Variants in KDM2B observed in about 807,000 individuals in gnomAD.
KDM2B encodes the protein lysine demethylase 2B.
KDM2B carries 26 observed loss-of-function variants against 150.0 expected under a neutral mutation model. The observed-to-expected ratio is 0.17, with a 90% CI of 0.13 to 0.24. The LOEUF is 0.24. Ranked by LOEUF, KDM2B falls within the 10% of genes least tolerant of loss-of-function variation. The pLI is 1.00. For synonymous variants in KDM2B, 734 were observed against 729.5 expected, an observed-to-expected ratio of 1.01 and a Z score of -0.10; for missense variants, 1,265 against 1,816.9, an observed-to-expected ratio of 0.70 and a Z score of 5.52.
Position 121,478,500 on chromosome 12 carries a change from C to T in KDM2B, c.1734+16079G>A, listed in dbSNP as rs373499876. ...TCAGCCTCCCGAGTAGCTGAGACTA[C>T]AGGCTCCCGCCACTACGCCCAGATA... On this transcript the variant is annotated intron_variant, in intron 12 of 22. Transcript: ENST00000377071. 3.3e-5 allele frequency among the ~76,000 whole-genome samples: 5 copies of T among 151,326 alleles called. No individual in the cohort carries two copies. The East Asian group carries it at 7.8e-4, about 24-fold the overall frequency.
chr12:121,440,133 GC>G, intron 21 of KDM2B, 58 bp from the exon 22 acceptor site: 1 of 1,341,600 alleles, frequency 7.5e-7, no homozygotes, highest in Non-Finnish European at 1.0e-6. Context: ...GCCTGGTCAT[GC>G]TGACATGACA....
Position 121,533,021 on chromosome 12 carries a change from GC to G in KDM2B, c.778-63del. 2 of 1,571,404 alleles carry G rather than the reference GC, an allele frequency of 1.3e-6. No individual in the cohort carries two copies. Among genetic ancestry groups the G allele is most frequent in the African/African-American group, 2.7e-5 (2 of 74,178 alleles). On this transcript the variant is annotated intron_variant, in intron 7 of 22. Coordinates refer to ENST00000377071, the MANE Select transcript of KDM2B (RefSeq NM_032590.5). The surrounding 1 kb of genome is among the most constrained non-coding windows in gnomAD (Gnocchi z 4.1). ...GGCCCAGACAAGACCCAGAGAGAGG[GC>G]CCCACCTGCCTGGCGGAAGGGGAGG...
intron 4 of KDM2B, among the ~76,000 whole-genome samples, chr12:121,561,116 C>A (rs1486873613): frequency 6.6e-6 from 1 of 152,222 alleles, no homozygotes; most frequent in East Asian, 1.9e-4. Flanking sequence ...GTTCCAGCTG[C>A]GGAAATTAGT....
chr12:121,499,110 A>AT (rs68098990), intron 11 of KDM2B, among the ~76,000 whole-genome samples: 90,128 of 131,124 alleles, frequency 0.69, 31,317 homozygotes, highest in Middle Eastern at 0.78. Flanking sequence ...CAGTCAATAA[A>AT]TTTTTTTTTT....
intron 8 of KDM2B, among the ~76,000 whole-genome samples, chr12:121,522,829 C>T (rs1012110411): frequency 6.6e-6 from 1 of 152,292 alleles, no homozygotes; most frequent in Admixed American, 6.5e-5. Context: ...GCCTGGGAGA[C>T]AGAGCCAAAA....
chr12:121,415,383 G>A, the KDM2B span: 1 of 273,900 alleles, frequency 3.7e-6, no homozygotes, highest in South Asian at 3.0e-5. Flanking sequence ...CACTTCAGGA[G>A]GCCAAGGTAG....
At chr12:121,427,764 G>T (rs1872581619), downstream of KDM2B, among the ~76,000 whole-genome samples, 1 of 152,134 alleles carries the variant, frequency 6.6e-6, no homozygotes, top group Non-Finnish European at 1.5e-5. Flanking sequence ...GTGTGCTCCA[G>T]GAACCCTTAG....
intron 12 of KDM2B, among the ~76,000 whole-genome samples, chr12:121,456,200 C>G (rs1258438693): frequency 6.6e-6 from 1 of 152,290 alleles, no homozygotes; most frequent in South Asian, 2.1e-4. Context: ...AATGCATGTG[C>G]GAAGTGCAGC....
At chr12:121,497,712 C>T (rs1214163520) in intron 11 of KDM2B, among the ~76,000 whole-genome samples, 1 of 152,082 alleles carries the variant, frequency 6.6e-6, no homozygotes, top group African/African-American at 2.4e-5. Context: ...CAAGGAAAGT[C>T]TAAGAAACTA....
In KDM2B at chr12:121,444,231, G is replaced by C. The variant is rs782654038; in HGVS notation, c.2232C>G (p.Pro744=). The C allele has an allele frequency of 1.9e-6, 3 of 1,613,768 alleles. No homozygotes were observed. The South Asian group carries it at 3.3e-5, about 18-fold the overall frequency. Residue 744 remains proline (P), a synonymous_variant, in exon 16 of 23, where the codon CCC becomes CCG. Transcript: ENST00000377071. ...GPGFKYASNL[P]GSLLKEQKMN... ...TCTTCTGCTCCTTGAGCAGGGAGCC[G>C]GGCAGGTTGGAGGCGTACTTAAAGC...
At chr12:121,462,516 C>T (rs1026779866) in intron 12 of KDM2B, among the ~76,000 whole-genome samples, 2 of 149,364 alleles carry the variant, frequency 1.3e-5, no homozygotes, top group African/African-American at 2.5e-5. Flanking sequence ...TTTTTTGAGA[C>T]GGAGTCTCGT....
chr12:121,561,574 T>A (rs1594132106), intron 4 of KDM2B, among the ~76,000 whole-genome samples: 1 of 152,162 alleles, frequency 6.6e-6, no homozygotes, highest in Middle Eastern at 3.4e-3. Flanking sequence ...ATTGGATGCC[T>A]CCCCTACCTG....
chr12:121,459,092 A>G (rs1593819591), intron 12 of KDM2B, among the ~76,000 whole-genome samples: 1 of 151,802 alleles, frequency 6.6e-6, no homozygotes, highest in Non-Finnish European at 1.5e-5. Context: ...CTCAAAAAAA[A>G]AAAAAAAAAA....
chr12:121,559,885 A>G (rs1170105535), intron 4 of KDM2B, among the ~76,000 whole-genome samples: 1 of 151,852 alleles, frequency 6.6e-6, no homozygotes, highest in African/African-American at 2.4e-5. Context: ...CCTGAGCAAC[A>G]AGAGCAAAAC....
intron 8 of KDM2B, among the ~76,000 whole-genome samples, chr12:121,531,740 C>A (rs150236956): frequency 1.3e-5 from 2 of 152,260 alleles, no homozygotes; most frequent in East Asian, 3.9e-4. Flanking sequence ...CCAGACACAC[C>A]CACACCCCAC....
chr12:121,569,902 G>A (rs1890971136), intron 4 of KDM2B, among the ~76,000 whole-genome samples: 1 of 151,248 alleles, frequency 6.6e-6, no homozygotes, highest in Admixed American at 6.6e-5. Context: ...GGAGTGGAGT[G>A]CAGTGGCGTG....
rs1215152957 is a variant in KDM2B at position 121,442,024 on chromosome 12, A to G, written c.3284+133T>C. On this transcript the variant is annotated intron_variant, in intron 19 of 22. Transcript: ENST00000377071. The surrounding 1 kb of genome is among the most constrained non-coding windows in gnomAD (Gnocchi z 7.7). ...AGAGGGGCCGCTGTAGCCAGCTGGA[A>G]CGCTTTGCGGAGCACAATGAAGCCA... is the stretch of plus-strand genomic sequence containing the variant. 1 of 728,310 alleles carries G rather than the reference A, an allele frequency of 1.4e-6. No individual in the cohort carries two copies. Among genetic ancestry groups the G allele is most frequent in the Non-Finnish European group, 2.3e-6 (1 of 435,920 alleles). The allele number at this position is 728,310 out of a possible 1,614,324, so 45.1% of individuals were successfully genotyped here.
chr12:121,467,314 G>C lies in KDM2B; in HGVS notation c.1735-13970C>G, dbSNP rs1367283092. Reference sequence around the variant, plus strand: ...TCGGCTCGCCCTGGCTCGGGCTCGGGCTCGGGCTCGGGCTCCCGCTGCCGC... The same window carrying C: ...TCGGCTCGCCCTGGCTCGGGCTCGGCCTCGGGCTCGGGCTCCCGCTGCCGC... On this transcript the variant is annotated intron_variant, in intron 12 of 22. Coordinates refer to ENST00000377071, the MANE Select transcript of KDM2B (RefSeq NM_032590.5). The surrounding 1 kb of genome is among the most constrained non-coding windows in gnomAD (Gnocchi z 5.1). 5.1e-6 allele frequency: 5 copies of C among 982,828 alleles called. No individual in the cohort carries two copies. The highest frequency in any genetic ancestry group is 6.0e-6 in the Non-Finnish European group (5 of 829,140). The allele number at this position is 982,828 out of a possible 1,614,324, so 60.9% of individuals were successfully genotyped here.
chr12:121,469,680 C>T (rs1880550334), intron 12 of KDM2B: 1 of 151,534 alleles, frequency 6.6e-6, no homozygotes, highest in African/African-American at 2.4e-5. Context: ...GCTGGCCACT[C>T]TACTCAGTAG....
Sources: allele counts gnomAD v4.1 joint callset (sites outside exome capture counted in the v4.1 genomes callset), GRCh38; gene constraint gnomAD v4.1.1; non-coding constraint Gnocchi (gnomAD v3.1); transcripts MANE v1.5; gene names NCBI Gene and HGNC (gene_info 2026-07-23, HGNC 2026-07-21).